MTMR7: variants seen among roughly 807,000 people sequenced by gnomAD.
MTMR7 encodes myotubularin related protein 7.
A neutral mutation model predicts 81.2 loss-of-function variants in MTMR7; 76 were observed. The ratio of observed to expected loss-of-function variants is 0.94; its 90% CI spans 0.78 to 1.13. MTMR7 has a LOEUF of 1.13. Ranked by LOEUF, MTMR7 falls within the 50% of genes most tolerant of loss-of-function variation. The pLI, the probability that MTMR7 is intolerant of heterozygous loss-of-function variation, is 0.00. For missense variants in MTMR7, 1,044 were observed against 820.0 expected (o/e 1.27, Z -3.34); for synonymous variants, 372 against 289.8 (o/e 1.28, Z -2.88).
intron 13 of MTMR7, among the ~76,000 whole-genome samples, chr8:17,301,230 G>C (rs4921745): frequency 0.045 from 6,889 of 152,324 alleles, 215 homozygotes; most frequent in Non-Finnish European, 0.068. Flanking sequence ...GTGGAGCAGA[G>C]AGAGGCAGAG....
At chr8:17,340,019 T>C (rs1451334392) in intron 6 of MTMR7, among the ~76,000 whole-genome samples, 1 of 152,250 alleles carries the variant, frequency 6.6e-6, no homozygotes, top group African/African-American at 2.4e-5. Context: ...TGGCACGATC[T>C]CGGCTCACCG....
chr8:17,301,236 C>G (rs1437868475), intron 13 of MTMR7, among the ~76,000 whole-genome samples: 1 of 152,140 alleles, frequency 6.6e-6, no homozygotes. Flanking sequence ...CAGAGAGAGG[C>G]AGAGTTCATG....
At chr8:17,398,463 A>G (rs1821324472) in intron 1 of MTMR7, among the ~76,000 whole-genome samples, 1 of 152,222 alleles carries the variant, frequency 6.6e-6, no homozygotes, top group Non-Finnish European at 1.5e-5. Flanking sequence ...GAAGAAAAAA[A>G]TTAGTGAGCT....
intron 1 of MTMR7, among the ~76,000 whole-genome samples, chr8:17,403,494 T>G (rs910481006): frequency 6.6e-6 from 1 of 152,232 alleles, no homozygotes; most frequent in Non-Finnish European, 1.5e-5. Context: ...GTAGTATAAT[T>G]TGAAGTCAGG....
chr8:17,311,572 T>G lies in MTMR7; in HGVS notation c.1040A>C (p.Gln347Pro). The change falls in exon 9 of 14, where the codon CAG (glutamine) becomes CCG (proline). Residue 347 changes from glutamine to proline, a missense_variant. Physicochemically the swap from Gln to Pro is moderately conservative, Grantham distance 76. Coordinates refer to ENST00000180173, the MANE Select transcript of MTMR7 (RefSeq NM_004686.5). ...CAGCAGGCTTGCCACCGAGCACACC[T>G]GAGCGGTCCTGTCCCAGCCATCAGA... ...HCSDGWDRTA[Q>P]VCSVASLLLD... 2 of 1,613,900 alleles carry G rather than the reference T, an allele frequency of 1.2e-6. No homozygotes were observed. The highest frequency in any genetic ancestry group is 1.7e-6 in the Non-Finnish European group (2 of 1,179,948).
intron 7 of MTMR7, among the ~76,000 whole-genome samples, chr8:17,320,466 T>G (rs1227359415): frequency 6.6e-6 from 1 of 152,108 alleles, no homozygotes; most frequent in African/African-American, 2.4e-5. Context: ...GAGAGCTGGC[T>G]TAAAGCTGGC....
chr8:17,356,034 G>A (rs1819879918), intron 4 of MTMR7, among the ~76,000 whole-genome samples: 1 of 152,198 alleles, frequency 6.6e-6, no homozygotes, highest in Non-Finnish European at 1.5e-5. Flanking sequence ...TGGAGCAGGA[G>A]AAGAAATCCC....
chr8:17,412,286 T>G (rs1821755885), intron 1 of MTMR7, among the ~76,000 whole-genome samples: 1 of 152,134 alleles, frequency 6.6e-6, no homozygotes, highest in African/African-American at 2.4e-5. Context: ...CTCTTAAATG[T>G]GTGGGATCCC....
chr8:17,347,411 G>A (rs772105107), intron 5 of MTMR7, among the ~76,000 whole-genome samples: 2 of 152,074 alleles, frequency 1.3e-5, no homozygotes, highest in African/African-American at 2.4e-5. Context: ...GCAACAGAGA[G>A]GGCTATGTGC....
chr8:17,376,893 T>G (rs10435703), intron 1 of MTMR7, among the ~76,000 whole-genome samples: 12,360 of 152,126 alleles, frequency 0.081, 1,342 homozygotes, highest in East Asian at 0.38. Context: ...TAGCCCTAAA[T>G]TATCAATAAT....
intron 6 of MTMR7, among the ~76,000 whole-genome samples, chr8:17,340,668 A>G (rs1819381124): frequency 6.6e-6 from 1 of 152,206 alleles, no homozygotes; most frequent in Admixed American, 6.5e-5. Context: ...CTTGATGTCT[A>G]GATATATTAT....
At chr8:17,349,949 T>C (rs17503097) in intron 4 of MTMR7, among the ~76,000 whole-genome samples, 14,479 of 152,218 alleles carry the variant, frequency 0.095, 960 homozygotes, top group Non-Finnish European at 0.15. Flanking sequence ...CTAGAAGTGA[T>C]ACTGCAGCAA....
At chr8:17,309,452 G>A (rs1321614836) in intron 9 of MTMR7, 126 bp from the exon 10 acceptor site, 1 of 688,590 alleles carries the variant, frequency 1.5e-6, no homozygotes, top group Non-Finnish European at 2.6e-6. Context: ...ACCTGCAAAT[G>A]CATGAACAGG....
At chr8:17,379,080 G>C (rs1013554810) in intron 1 of MTMR7, among the ~76,000 whole-genome samples, 2 of 152,142 alleles carry the variant, frequency 1.3e-5, no homozygotes, top group African/African-American at 4.8e-5. Context: ...GCTATCAAGA[G>C]GATAGCAGAG....
chr8:17,375,188 G>A (rs544771711), intron 1 of MTMR7, among the ~76,000 whole-genome samples: 4 of 152,028 alleles, frequency 2.6e-5, no homozygotes, highest in Admixed American at 6.5e-5. Context: ...AGCAGACCTC[G>A]TGAACATTCC....
At chr8:17,370,553 CAAAAAA>C (rs5889712) in intron 3 of MTMR7, among the ~76,000 whole-genome samples, 3 of 30,854 alleles carry the variant, frequency 9.7e-5, no homozygotes, top group East Asian at 1.4e-3. Flanking sequence ...AAAAGTGCCT[CAAAAAA>C]AAAAAAAAAA....
In MTMR7 at chr8:17,304,887, T is replaced by G. The variant is rs544421519; in HGVS notation, c.1353-368A>C. 7.8e-4 allele frequency among the ~76,000 whole-genome samples: 119 copies of G among 152,224 alleles called. 1 individual carries two copies. The highest frequency in any genetic ancestry group is 3.4e-3 in the Middle Eastern group (1 of 294). The stretch of plus-strand genomic sequence containing the variant: ...TCATTTAATCCTCACTGAGTTGCTG[T>G]GAGCTCTGTCTAATTTACAGATGAA... On this transcript the variant is annotated intron_variant, in intron 11 of 13. Transcript: ENST00000180173.
intron 7 of MTMR7, 79 bp from the exon 8 acceptor site, chr8:17,313,480 T>C: frequency 4.5e-6 from 4 of 887,190 alleles, no homozygotes; most frequent in Non-Finnish European, 7.0e-6. Context: ...ATAGGTAGTT[T>C]GTTAATGATT....
At chr8:17,341,581 A>C in intron 5 of MTMR7, 84 bp from the exon 6 acceptor site, 1 of 1,491,806 alleles carries the variant, frequency 6.7e-7, no homozygotes. Flanking sequence ...CAGAACAAAG[A>C]GCCCTTGGCT....
Sources: allele counts gnomAD v4.1 joint callset (sites outside exome capture counted in the v4.1 genomes callset), GRCh38; gene constraint gnomAD v4.1.1; transcripts MANE v1.5; gene names NCBI Gene and HGNC (gene_info 2026-07-23, HGNC 2026-07-21).